The following TUT4 variants were observed in gnomAD, a reference collection of about 807,000 sequenced individuals.
The protein encoded by TUT4 is terminal uridylyl transferase 4.
Under a neutral mutation model 192.2 loss-of-function variants are expected in TUT4, and 36 were observed. The ratio of observed to expected loss-of-function variants is 0.19; its 90% CI spans 0.14 to 0.25. TUT4 has a LOEUF of 0.25. TUT4 is among the 10% of genes least tolerant of loss of function. The probability of loss-of-function intolerance (pLI) is 1.00; values close to 1 mark genes in which losing one functional copy is unlikely to be tolerated. For missense variants in TUT4, 1,493 were observed against 1,957.2 expected, an observed-to-expected ratio of 0.76 and a Z score of 4.47; for synonymous variants, 618 against 666.0, an observed-to-expected ratio of 0.93 and a Z score of 1.11.
At chr1:52,424,296 C>CT (rs1447720758) in intron 29 of TUT4, 5 of 361,898 alleles carry the variant, frequency 1.4e-5, no homozygotes, top group Non-Finnish European at 1.5e-5. Context: ...CTAATAGTAA[C>CT]TTCCTTCAGC....
chr1:52,479,457 T>C (rs1187816430), intron 11 of TUT4, among the ~76,000 whole-genome samples: 3 of 151,384 alleles, frequency 2.0e-5, no homozygotes, highest in Non-Finnish European at 2.9e-5. Flanking sequence ...ACAGTGGAGG[T>C]AGTGAGAGGT....
chr1:52,505,594 G>A (rs11804580), intron 4 of TUT4, among the ~76,000 whole-genome samples: 13,442 of 151,556 alleles, frequency 0.089, 1,961 homozygotes, highest in African/African-American at 0.3. Context: ...GCTAATTTTC[G>A]TATTTTTAGT....
chr1:52,528,564 T>G (rs1048174309), intron 1 of TUT4, among the ~76,000 whole-genome samples: 1 of 152,020 alleles, frequency 6.6e-6, no homozygotes, highest in African/African-American at 2.4e-5. Context: ...CTATACACCT[T>G]AAATTCAGAT....
In TUT4 at chr1:52,488,971, C is replaced by T. The variant is rs753871469; in HGVS notation, c.1453G>A (p.Ala485Thr). ...MACLTTDLLT[A>T]LGKIEPVFIP... ...AAGACAGGTTCTATTTTGCCAAGGG[C>T]AGTAAGTAAATCAGTAGTGAGACAT... The change falls in exon 9 of 30, where the codon GCC becomes ACC. Residue 485 changes from alanine to threonine, a missense_variant. Transcript: ENST00000257177. The T allele has an allele frequency of 1.2e-6, 2 of 1,613,770 alleles. No individual in the cohort carries two copies. Among genetic ancestry groups the T allele is most frequent in the Non-Finnish European group, 1.7e-6 (2 of 1,179,880 alleles).
chr1:52,553,322 C>T (rs1689959994), upstream of TUT4: 1 of 145,024 alleles, frequency 6.9e-6, no homozygotes, highest in Admixed American at 6.9e-5. Context: ...CCCACAGGCA[C>T]CGTTTACACC....
intron 15 of TUT4, among the ~76,000 whole-genome samples, chr1:52,467,491 C>G (rs1664543862): frequency 6.6e-6 from 1 of 152,086 alleles, no homozygotes; most frequent in Non-Finnish European, 1.5e-5. Flanking sequence ...AAAATATATC[C>G]CAAATCTGAC....
rs563632015 is a variant in TUT4, at chr1:52,476,675, G to A, written c.2023+1033C>T. On this transcript the variant is annotated intron_variant, in intron 12 of 29. Coordinates refer to ENST00000257177, the MANE Select transcript of TUT4 (RefSeq NM_001009881.3). ...GGGGGGGAAAAGAAAGAAAAAAAAA[G>A]AGATAAATTATGGCTGGCAGGCTTC... Among the ~76,000 whole-genome samples, 30 of 152,084 alleles carry A rather than the reference G, an allele frequency of 2.0e-4. No individual in the cohort carries two copies. In the South Asian group the frequency reaches 6.2e-3, roughly 32 times the overall value.
At chr1:52,429,567 T>C (rs1651307824) in intron 28 of TUT4, among the ~76,000 whole-genome samples, 1 of 150,214 alleles carries the variant, frequency 6.7e-6, no homozygotes, top group African/African-American at 2.4e-5. Flanking sequence ...AATATATATA[T>C]ATATATACTT....
chr1:52,535,103 T>G (rs1312575560), intron 1 of TUT4: 1 of 152,232 alleles, frequency 6.6e-6, no homozygotes, highest in Non-Finnish European at 1.5e-5. Context: ...ATAGTCATCT[T>G]GTTGCATAGT....
At chr1:52,549,583 T>C (rs1387834739) in intron 1 of TUT4, among the ~76,000 whole-genome samples, 1 of 152,174 alleles carries the variant, frequency 6.6e-6, no homozygotes, top group African/African-American at 2.4e-5. Context: ...GAAATGAATG[T>C]TTAAATGAAT....
chr1:52,528,461 A>T (rs1378107262), intron 1 of TUT4, among the ~76,000 whole-genome samples: 1 of 150,694 alleles, frequency 6.6e-6, no homozygotes, highest in African/African-American at 2.5e-5. Flanking sequence ...CCTGCATTCC[A>T]GTCTGGGCAA....
chr1:52,494,626 A>T (rs890425216), intron 6 of TUT4, among the ~76,000 whole-genome samples: 2 of 152,200 alleles, frequency 1.3e-5, no homozygotes, highest in African/African-American at 4.8e-5. Context: ...CAGGAGGTGG[A>T]GGGTGCAGTC....
chr1:52,442,751 T>C (rs911277134), intron 24 of TUT4, among the ~76,000 whole-genome samples: 15 of 152,168 alleles, frequency 9.9e-5, no homozygotes, highest in African/African-American at 3.6e-4. Flanking sequence ...GATAAACTAG[T>C]ATATCCAAGT....
At chr1:52,425,109 A>C (rs985282679) in intron 29 of TUT4, 4 of 361,508 alleles carry the variant, frequency 1.1e-5, no homozygotes, top group African/African-American at 8.4e-5. Flanking sequence ...GGGCAATGTT[A>C]ACTGATTCAT....
chr1:52,547,268 C>G (rs1385771182), intron 1 of TUT4, among the ~76,000 whole-genome samples: 1 of 151,050 alleles, frequency 6.6e-6, no homozygotes, highest in Non-Finnish European at 1.5e-5. Context: ...AGGAGATAGA[C>G]AAATGCACAA....
At position 52,468,807 on chromosome 1, in the gene TUT4, CT is replaced by C. The variant is rs1333881198; in HGVS notation, c.2879-541del. Among the ~76,000 whole-genome samples, 4 of 152,262 alleles carry C rather than the reference CT, an allele frequency of 2.6e-5. No individual in the cohort carries two copies. The East Asian group carries it at 7.7e-4, about 29-fold the overall frequency. On this transcript the variant is annotated intron_variant, in intron 14 of 29. Transcript: ENST00000257177. ...AGTCTGGTACCTAATTTATTTTGTC[CT>C]TTTGGTTTTCTAGTTATTTCATTTA...
At position 52,471,933 on chromosome 1, in the gene TUT4, G is replaced by C; in HGVS notation, c.2878+19C>G. ...AAGAAGGAATCTAGTCCCAATAGTT[G>C]TAGTAATGAAAGACTTACCAAAACA... On this transcript the variant is annotated intron_variant, in intron 14 of 29. Coordinates refer to ENST00000257177, the MANE Select transcript of TUT4 (RefSeq NM_001009881.3). The C allele has an allele frequency of 6.2e-7, 1 of 1,602,002 alleles. No homozygotes were observed. The highest frequency in any genetic ancestry group is 1.1e-5 in the South Asian group (1 of 88,632).
chr1:52,498,113 T>A (rs77417334), intron 4 of TUT4, among the ~76,000 whole-genome samples: 13,392 of 152,178 alleles, frequency 0.088, 744 homozygotes, highest in East Asian at 0.2. Context: ...AAAGCTTACC[T>A]CAGGTAAGGA....
At chr1:52,527,091 T>C (rs1681997439) in intron 1 of TUT4, among the ~76,000 whole-genome samples, 1 of 152,160 alleles carries the variant, frequency 6.6e-6, no homozygotes, top group Admixed American at 6.5e-5. Context: ...TCCTAAATGG[T>C]AAAATCTTGC....
Sources: gnomAD v4.1 joint callset for allele counts (sites outside exome capture counted in the v4.1 genomes callset) on GRCh38, gnomAD v4.1.1 for gene constraint, MANE v1.5 for transcripts, NCBI Gene and HGNC (gene_info 2026-07-23, HGNC 2026-07-21) for gene names.